The following ITSN2 variants were observed in gnomAD, a reference collection of about 807,000 sequenced individuals.
The protein encoded by ITSN2 is intersectin-2.
A neutral mutation model predicts 243.7 loss-of-function variants in ITSN2; 156 were observed. The observed-to-expected ratio is 0.64, with a 90% CI of 0.56 to 0.73. The LOEUF (loss-of-function observed/expected upper bound fraction) is 0.73, where lower values mean the gene tolerates loss of function less well. ITSN2 is among the 30% of genes least tolerant of loss of function. ITSN2 has a pLI of 0.00. For missense variants in ITSN2, 1,801 were observed against 1,996.1 expected (o/e 0.90, Z 1.86); for synonymous variants, 703 against 699.9 (o/e 1.00, Z -0.07).
chr2:24,310,167 T>C, intron 7 of ITSN2, 117 bp downstream of exon 7: 1 of 633,576 alleles, frequency 1.6e-6, no homozygotes, highest in Non-Finnish European at 2.8e-6. Flanking sequence ...CTTAAGTATT[T>C]GTACTTGGCC....
intron 17 of ITSN2, among the ~76,000 whole-genome samples, chr2:24,283,294 G>A (rs1212203574): frequency 2.0e-5 from 3 of 151,602 alleles, no homozygotes; most frequent in East Asian, 1.9e-4. Flanking sequence ...GTGCGACCTC[G>A]GCTCACTGCA....
chr2:24,354,214 T>C (rs1348046251), intron 1 of ITSN2, among the ~76,000 whole-genome samples: 1 of 152,248 alleles, frequency 6.6e-6, no homozygotes, highest in South Asian at 2.1e-4. Context: ...CATCACCAAC[T>C]GTGGGGCTGG....
At chr2:24,299,438 T>A (rs1400533795) in intron 12 of ITSN2, among the ~76,000 whole-genome samples, 1 of 152,188 alleles carries the variant, frequency 6.6e-6, no homozygotes, top group Non-Finnish European at 1.5e-5. Flanking sequence ...CCAGTCCTCC[T>A]AAGGACCCTT....
chr2:24,335,507 A>AT (rs997373147), intron 1 of ITSN2, among the ~76,000 whole-genome samples: 11 of 152,092 alleles, frequency 7.2e-5, no homozygotes, highest in African/African-American at 2.4e-4. Flanking sequence ...TAATTTTTAA[A>AT]TTTTTTTGTA....
At chr2:24,237,337 A>G (rs957314612) in intron 29 of ITSN2, among the ~76,000 whole-genome samples, 7 of 140,988 alleles carry the variant, frequency 5.0e-5, no homozygotes, top group Non-Finnish European at 1.1e-4. Context: ...AAATCATGAA[A>G]ATAGCAAAAT....
chr2:24,317,881 T>C (rs1684110035), intron 2 of ITSN2, among the ~76,000 whole-genome samples: 2 of 152,216 alleles, frequency 1.3e-5, no homozygotes, highest in South Asian at 4.1e-4. Context: ...AGACTGACTA[T>C]ATTGGACCTT....
chr2:24,330,482 G>A (rs1558639742), intron 1 of ITSN2: 2 of 675,120 alleles, frequency 3.0e-6, no homozygotes, highest in East Asian at 3.0e-5. Flanking sequence ...GACCCATGAG[G>A]TTGTCTGCTA....
At chr2:24,228,417 A>G (rs1168499253) in intron 29 of ITSN2, among the ~76,000 whole-genome samples, 2 of 152,250 alleles carry the variant, frequency 1.3e-5, no homozygotes, top group Non-Finnish European at 2.9e-5. Context: ...GAGCCAAAAT[A>G]CTAGTAAATG....
At chr2:24,313,950 A>G (rs1487259472) in intron 3 of ITSN2, among the ~76,000 whole-genome samples, 1 of 152,194 alleles carries the variant, frequency 6.6e-6, no homozygotes, top group Non-Finnish European at 1.5e-5. Flanking sequence ...TAAGACCCTA[A>G]TTGCTCTCTG....
chr2:24,233,908 CTCT>C (rs1489411073), intron 29 of ITSN2, among the ~76,000 whole-genome samples: 1 of 152,152 alleles, frequency 6.6e-6, no homozygotes. Context: ...TAAAACATCT[CTCT>C]TAAGAATGTC....
chr2:24,330,766 T>C (rs949896356), intron 1 of ITSN2: 6 of 495,742 alleles, frequency 1.2e-5, no homozygotes, highest in Admixed American at 5.8e-5. Flanking sequence ...CAGAATTTCA[T>C]TTTACTTTTT....
intron 17 of ITSN2, among the ~76,000 whole-genome samples, chr2:24,283,365 C>T (rs891808302): frequency 5.3e-5 from 8 of 152,222 alleles, no homozygotes; most frequent in African/African-American, 1.9e-4. Context: ...GCTGGGATTA[C>T]AGGCATCCGC....
chr2:24,323,757 T>C (rs1574312227), intron 2 of ITSN2, among the ~76,000 whole-genome samples: 1 of 152,194 alleles, frequency 6.6e-6, no homozygotes, highest in South Asian at 2.1e-4. Flanking sequence ...ATCTAATACA[T>C]GCCTGCCATA....
At chr2:24,291,107 G>A (rs139579705) in intron 15 of ITSN2, among the ~76,000 whole-genome samples, 36 of 152,174 alleles carry the variant, frequency 2.4e-4, no homozygotes, top group African/African-American at 7.9e-4. Flanking sequence ...AACATAAAAT[G>A]TCTCTAATTA....
chr2:24,208,344 T>C (rs1331525040), intron 36 of ITSN2, 25 bp from the exon 37 acceptor site: 4 of 1,591,064 alleles, frequency 2.5e-6, no homozygotes, highest in Middle Eastern at 1.7e-4. Context: ...GGGGCAGCCG[T>C]TGGCCGCATC....
At chr2:24,311,723 T>C (rs1467789410) in intron 5 of ITSN2, 1 of 167,156 alleles carries the variant, frequency 6.0e-6, no homozygotes, top group Non-Finnish European at 1.5e-5. Flanking sequence ...GTGAACTTAT[T>C]AGCCCAAAGT....
chr2:24,229,920 A>C, intron 29 of ITSN2, among the ~76,000 whole-genome samples: 1 of 151,474 alleles, frequency 6.6e-6, no homozygotes, highest in African/African-American at 2.4e-5. Context: ...TTCCTCCTCA[A>C]CTCTCCAGAC....
intron 37 of ITSN2, among the ~76,000 whole-genome samples, chr2:24,207,658 G>T (rs1297443698): frequency 6.6e-6 from 1 of 152,072 alleles, no homozygotes; most frequent in Non-Finnish European, 1.5e-5. Context: ...TGCCATCAGT[G>T]CAGGGAGCTG....
chr2:24,218,212 C>A (rs1221596409), intron 30 of ITSN2, among the ~76,000 whole-genome samples, 199 bp from the exon 31 acceptor site: 1 of 152,198 alleles, frequency 6.6e-6, no homozygotes. Context: ...GCTAGTGCAG[C>A]TCTTATCAAG....
Sources: gnomAD v4.1 joint callset for allele counts (sites outside exome capture counted in the v4.1 genomes callset) on GRCh38, gnomAD v4.1.1 for gene constraint, MANE v1.5 for transcripts, NCBI Gene and HGNC (gene_info 2026-07-23, HGNC 2026-07-21) for gene names.